FAM135B: variants seen among roughly 807,000 people sequenced by gnomAD.
FAM135B encodes protein FAM135B.
A neutral mutation model predicts 127.7 loss-of-function variants in FAM135B; 43 were observed. That is an observed-to-expected ratio of 0.34 (90% confidence interval 0.26 to 0.43). FAM135B has a LOEUF of 0.43. FAM135B is among the 20% of genes least tolerant of loss of function. The pLI, the probability that FAM135B is intolerant of heterozygous loss-of-function variation, is 1.00. For missense variants in FAM135B, 1,558 were observed against 1,725.6 expected (o/e 0.90, Z 1.72); for synonymous variants, 670 against 665.1 (o/e 1.01, Z -0.11).
chr8:138,261,579 C>T lies in FAM135B; in HGVS notation c.297+4124G>A, dbSNP rs1432286658. Reference sequence around the variant, plus strand: ...ATTGCTAACTTTTCTTTTTACTATTCTATGCATTTTGTAAGGCTTCCCAAA... The same window carrying T: ...ATTGCTAACTTTTCTTTTTACTATTTTATGCATTTTGTAAGGCTTCCCAAA... On this transcript the variant is annotated intron_variant, in intron 4 of 19. Coordinates refer to ENST00000395297, the MANE Select transcript of FAM135B (RefSeq NM_015912.4). Among the ~76,000 whole-genome samples the T allele has an allele frequency of 2.6e-5, 4 of 152,262 alleles. No homozygotes were observed. The East Asian group carries it at 5.8e-4, about 22-fold the overall frequency.
chr8:138,466,291 A>G (rs1455367347), intron 1 of FAM135B, among the ~76,000 whole-genome samples: 1 of 152,180 alleles, frequency 6.6e-6, no homozygotes, highest in African/African-American at 2.4e-5. Context: ...CAAGCAAGAG[A>G]GCTGCACTGT....
chr8:138,379,437 ATAAC>A (rs1207693619), intron 1 of FAM135B, among the ~76,000 whole-genome samples: 2 of 152,196 alleles, frequency 1.3e-5, no homozygotes, highest in Non-Finnish European at 2.9e-5. Context: ...TAATATTAGA[ATAAC>A]TAATAATAAC....
At chr8:138,400,309 A>G (rs1383728487) in intron 1 of FAM135B, among the ~76,000 whole-genome samples, 1 of 152,174 alleles carries the variant, frequency 6.6e-6, no homozygotes, top group Non-Finnish European at 1.5e-5. Flanking sequence ...CGCTTACTCC[A>G]GCCCCTGTCT....
intron 4 of FAM135B, among the ~76,000 whole-genome samples, chr8:138,257,706 T>TACA (rs1454776956): frequency 6.6e-6 from 1 of 152,136 alleles, no homozygotes; most frequent in Non-Finnish European, 1.5e-5. Context: ...CGGTGCCTAT[T>TACA]ACAATTTTGG....
chr8:138,392,652 G>A (rs944711433), intron 1 of FAM135B, among the ~76,000 whole-genome samples: 24 of 152,096 alleles, frequency 1.6e-4, no homozygotes, highest in African/African-American at 7.2e-5. Context: ...CTCCACCCTT[G>A]AGCTTTGTGA....
intron 1 of FAM135B, among the ~76,000 whole-genome samples, chr8:138,430,107 G>A (rs1835111747): frequency 6.6e-6 from 1 of 152,082 alleles, no homozygotes; most frequent in South Asian, 2.1e-4. Flanking sequence ...TTTTTCCCAT[G>A]GTATTCCACG....
At position 138,132,506 on chromosome 8, in the gene FAM135B, T is replaced by C. The variant is rs1198072035; in HGVS notation, c.*87A>G. On this transcript the variant is annotated 3_prime_UTR_variant, in exon 20 of 20. Transcript: ENST00000395297. The surrounding 1 kb of genome is among the most constrained non-coding windows in gnomAD (Gnocchi z 4.5). Reference sequence around the variant, plus strand: ...CCCCAATGCTGTTGAAGCTTCATTCTGAAATGGTGAGGTCTGTAAAAGCAG... The same window carrying C: ...CCCCAATGCTGTTGAAGCTTCATTCCGAAATGGTGAGGTCTGTAAAAGCAG... 13 of 1,120,414 alleles carry C rather than the reference T, an allele frequency of 1.2e-5. No homozygotes were observed. The highest frequency in any genetic ancestry group is 2.4e-5 in the East Asian group (1 of 42,292). The allele number at this position is 1,120,414 out of a possible 1,614,324, so 69.4% of individuals were successfully genotyped here.
At chr8:138,346,721 C>T (rs111306479) in intron 2 of FAM135B, among the ~76,000 whole-genome samples, 3,999 of 152,226 alleles carry the variant, frequency 0.026, 163 homozygotes, top group African/African-American at 0.091. Flanking sequence ...GAACACTGGG[C>T]TTAATACCTA....
chr8:138,285,451 C>G (rs900886816), intron 3 of FAM135B, among the ~76,000 whole-genome samples: 22 of 152,026 alleles, frequency 1.4e-4, no homozygotes, highest in African/African-American at 5.1e-4. Context: ...CTGGCCTTGG[C>G]TCTACTGATT....
chr8:138,345,040 G>A (rs1829318087), intron 2 of FAM135B, among the ~76,000 whole-genome samples: 2 of 152,198 alleles, frequency 1.3e-5, no homozygotes, highest in Non-Finnish European at 2.9e-5. Context: ...CATGAAAGCA[G>A]CATCCAGCAC....
At chr8:138,164,020 G>T (rs1174792105) in intron 12 of FAM135B, among the ~76,000 whole-genome samples, 2 of 152,162 alleles carry the variant, frequency 1.3e-5, no homozygotes, top group African/African-American at 4.8e-5. Flanking sequence ...CATAGAAATG[G>T]AAATCTTTTA....
intron 2 of FAM135B, among the ~76,000 whole-genome samples, chr8:138,330,567 C>CT (rs1241933439): frequency 2.6e-5 from 4 of 152,122 alleles, no homozygotes; most frequent in Non-Finnish European, 5.9e-5. Context: ...AGGAGGACAC[C>CT]TTATCTCTAG....
upstream of FAM135B, among the ~76,000 whole-genome samples, chr8:138,497,329 G>C (rs1382840414): frequency 6.7e-6 from 1 of 150,244 alleles, no homozygotes; most frequent in Non-Finnish European, 1.5e-5. Flanking sequence ...ATGGGAGCCC[G>C]GGGCGGGCCG....
chr8:138,226,150 CGTGTGTGTGTGTGT>C (rs72185111), intron 7 of FAM135B, among the ~76,000 whole-genome samples: 2 of 133,566 alleles, frequency 1.5e-5, no homozygotes, highest in African/African-American at 5.6e-5. Context: ...GGGGACCCAC[CGTGTGTGTGTGTGT>C]GTGTGTGTGT....
Position 138,148,544 on chromosome 8 carries a change from C to A in FAM135B, c.3424G>T (p.Val1142Phe), listed in dbSNP as rs35765793. ...CCATCCAGGCCATGGACACAGACAACCAGGTGAATTCCATCTTCCAAATTT... is the reference window on the plus strand; with the variant it reads ...CCATCCAGGCCATGGACACAGACAAACAGGTGAATTCCATCTTCCAAATTT... ...EENLEDGIHL[V>F]VCVHGLDGNS... is the part of the protein sequence containing the mutation. The change falls in exon 14 of 20, where the codon GTT becomes TTT. Residue 1142 changes from valine to phenylalanine, a missense_variant. Coordinates refer to ENST00000395297, the MANE Select transcript of FAM135B (RefSeq NM_015912.4). The A allele has an allele frequency of 6.2e-7, 1 of 1,613,970 alleles. No homozygotes were observed. The highest frequency in any genetic ancestry group is 8.5e-7 in the Non-Finnish European group (1 of 1,179,958).
intron 7 of FAM135B, among the ~76,000 whole-genome samples, chr8:138,198,465 G>C (rs1318059766): frequency 1.3e-5 from 2 of 152,192 alleles, no homozygotes; most frequent in African/African-American, 4.8e-5. Flanking sequence ...TTTGCAGAGA[G>C]AAGAAATTTA....
rs775816772 is a variant in FAM135B at position 138,139,107 on chromosome 8, A to C, written c.3791-11T>G. ...GCATGAGCCATAAGCCTAGGAAGAC[A>C]AAAACAAAATAAAAATCAAAAACAC... On this transcript the variant is annotated splice_polypyrimidine_tract_variant and intron_variant, in intron 17 of 19. Transcript: ENST00000395297. The C allele has an allele frequency of 7.1e-6, 11 of 1,559,854 alleles. No homozygotes were observed. The East Asian group carries it at 2.5e-4, about 35-fold the overall frequency.
chr8:138,471,589 A>C (rs891039481), intron 1 of FAM135B, among the ~76,000 whole-genome samples: 10 of 152,168 alleles, frequency 6.6e-5, no homozygotes, highest in Non-Finnish European at 1.5e-4. Context: ...CAGATTGTAG[A>C]AGTAAGTTTG....
At chr8:138,437,908 G>T (rs1316489209) in intron 1 of FAM135B, 1 of 152,102 alleles carries the variant, frequency 6.6e-6, no homozygotes, top group Non-Finnish European at 1.5e-5. Context: ...CTACATTATT[G>T]TCATTATAAT....
Sources: allele counts gnomAD v4.1 joint callset (sites outside exome capture counted in the v4.1 genomes callset), GRCh38; gene constraint gnomAD v4.1.1; non-coding constraint Gnocchi (gnomAD v3.1); transcripts MANE v1.5; gene names NCBI Gene and HGNC (gene_info 2026-07-23, HGNC 2026-07-21).